The following FAM135B variants were observed in gnomAD, a reference collection of about 807,000 sequenced individuals.
The protein encoded by FAM135B is family with sequence similarity 135 member B.
FAM135B carries 43 observed loss-of-function variants against 127.7 expected under a neutral mutation model. The ratio of observed to expected loss-of-function variants is 0.34; its 90% confidence interval spans 0.26 to 0.43. FAM135B has a LOEUF of 0.43. Ranked by LOEUF, FAM135B falls within the 20% of genes least tolerant of loss-of-function variation. FAM135B has a pLI of 1.00. For synonymous variants in FAM135B, 670 were observed against 665.1 expected, an observed-to-expected ratio of 1.01 and a Z score of -0.11; for missense variants, 1,558 against 1,725.6, an observed-to-expected ratio of 0.90 and a Z score of 1.72.
intron 7 of FAM135B, among the ~76,000 whole-genome samples, chr8:138,200,956 G>A (rs901123083): frequency 3.3e-5 from 5 of 152,188 alleles, no homozygotes; most frequent in African/African-American, 1.2e-4. Context: ...TCAGGATTCA[G>A]GGCTGATGCG....
chr8:138,493,705 G>A (rs1815284235), intron 1 of FAM135B, among the ~76,000 whole-genome samples: 1 of 152,098 alleles, frequency 6.6e-6, no homozygotes, highest in African/African-American at 2.4e-5. Flanking sequence ...CATTTTCTAG[G>A]ACGAAAATTA....
chr8:138,250,804 G>C (rs2130481631), intron 6 of FAM135B, 37 bp downstream of exon 6: 1 of 1,606,910 alleles, frequency 6.2e-7, no homozygotes, highest in Non-Finnish European at 8.5e-7. Flanking sequence ...AATGGAAGGT[G>C]GCTCCCACAT....
chr8:138,320,818 A>G (rs548318906), intron 2 of FAM135B, among the ~76,000 whole-genome samples: 9 of 152,332 alleles, frequency 5.9e-5, no homozygotes, highest in Middle Eastern at 3.4e-3. Flanking sequence ...ATTTCCCCAA[A>G]CAATGGTGTT....
chr8:138,163,553 C>T (rs1309565678), intron 12 of FAM135B, among the ~76,000 whole-genome samples: 2 of 152,108 alleles, frequency 1.3e-5, no homozygotes, highest in Admixed American at 6.5e-5. Context: ...CGTGAATACA[C>T]CTCACAAGAT....
chr8:138,189,376 C>T (rs1336998488), intron 9 of FAM135B, among the ~76,000 whole-genome samples: 2 of 152,192 alleles, frequency 1.3e-5, no homozygotes, highest in Non-Finnish European at 2.9e-5. Flanking sequence ...TCACTTCAAC[C>T]TCATTTTTCC....
At chr8:138,334,544 A>C (rs1488523451) in intron 2 of FAM135B, among the ~76,000 whole-genome samples, 1 of 152,058 alleles carries the variant, frequency 6.6e-6, no homozygotes, top group African/African-American at 2.4e-5. Flanking sequence ...TCCCACTCCC[A>C]ACCTCTACCT....
chr8:138,216,562 A>T (rs1818562684), intron 7 of FAM135B, among the ~76,000 whole-genome samples: 1 of 152,198 alleles, frequency 6.6e-6, no homozygotes, highest in Non-Finnish European at 1.5e-5. Flanking sequence ...TCTGAATCCT[A>T]AAGAATGGCC....
intron 1 of FAM135B, among the ~76,000 whole-genome samples, chr8:138,471,859 T>C (rs1837693301): frequency 6.6e-6 from 1 of 151,970 alleles, no homozygotes; most frequent in South Asian, 2.1e-4. Context: ...ACAAGTATTA[T>C]ATGACAGATA....
intron 3 of FAM135B, among the ~76,000 whole-genome samples, chr8:138,280,891 C>G (rs1274341120): frequency 1.3e-5 from 2 of 151,978 alleles, no homozygotes; most frequent in Non-Finnish European, 2.9e-5. Context: ...GAGGAGGGGG[C>G]TCAGAGGTGC....
At chr8:138,328,557 T>C (rs1020131195) in intron 2 of FAM135B, among the ~76,000 whole-genome samples, 2 of 152,120 alleles carry the variant, frequency 1.3e-5, no homozygotes, top group Non-Finnish European at 2.9e-5. Context: ...GAGTTGACCT[T>C]GGCCAGAGTA....
chr8:138,413,714 A>G (rs1333198637), intron 1 of FAM135B, among the ~76,000 whole-genome samples: 1 of 151,954 alleles, frequency 6.6e-6, no homozygotes, highest in Non-Finnish European at 1.5e-5. Context: ...CTGTGTTGAA[A>G]GTTAGGGTGA....
At chr8:138,370,870 C>G (rs955751428) in intron 1 of FAM135B, among the ~76,000 whole-genome samples, 2 of 152,208 alleles carry the variant, frequency 1.3e-5, no homozygotes, top group Non-Finnish European at 2.9e-5. Flanking sequence ...CTCTTTCCAT[C>G]TGAAGATTAG....
intron 1 of FAM135B, among the ~76,000 whole-genome samples, chr8:138,379,902 G>A (rs1030788428): frequency 1.3e-5 from 2 of 152,146 alleles, no homozygotes; most frequent in African/African-American, 2.4e-5. Context: ...AGCTGAAGAC[G>A]GGATTCCTGC....
chr8:138,493,918 C>G (rs1024339976), intron 1 of FAM135B, among the ~76,000 whole-genome samples: 4 of 79,670 alleles, frequency 5.0e-5, no homozygotes, highest in Non-Finnish European at 8.2e-5. Flanking sequence ...TAAATCTAGG[C>G]TATCTTAATC....
intron 12 of FAM135B, among the ~76,000 whole-genome samples, chr8:138,163,978 G>A (rs905457837): frequency 2.0e-5 from 3 of 152,146 alleles, no homozygotes; most frequent in Non-Finnish European, 4.4e-5. Context: ...ACAGGTGTGA[G>A]CCACCATGCC....
chr8:138,468,115 C>G (rs758783343), intron 1 of FAM135B, among the ~76,000 whole-genome samples: 6 of 152,140 alleles, frequency 3.9e-5, no homozygotes, highest in Non-Finnish European at 5.9e-5. Context: ...ATTCATCATG[C>G]CTTTCTTCAA....
intron 1 of FAM135B, among the ~76,000 whole-genome samples, chr8:138,483,850 G>A (rs1814883233): frequency 6.6e-6 from 1 of 152,108 alleles, no homozygotes; most frequent in South Asian, 2.1e-4. Context: ...TTGATTTTCA[G>A]TCTAGGTATA....
At chr8:138,427,033 G>C (rs888301857) in intron 1 of FAM135B, among the ~76,000 whole-genome samples, 7 of 151,960 alleles carry the variant, frequency 4.6e-5, no homozygotes, top group African/African-American at 1.7e-4. Context: ...TTGAGCAAAA[G>C]AAGCCAAACA....
At chr8:138,223,805 A>C (rs1819205692) in intron 7 of FAM135B, among the ~76,000 whole-genome samples, 1 of 152,212 alleles carries the variant, frequency 6.6e-6, no homozygotes, top group African/African-American at 2.4e-5. Flanking sequence ...TCAATGATGG[A>C]TTAGATAAAC....
Sources: gnomAD v4.1 joint callset for allele counts (sites outside exome capture counted in the v4.1 genomes callset) on GRCh38, gnomAD v4.1.1 for gene constraint, MANE v1.5 for transcripts, NCBI Gene and HGNC (gene_info 2026-07-23, HGNC 2026-07-21) for gene names.